EML6: variants seen among roughly 807,000 people sequenced by gnomAD.
The protein encoded by EML6 is echinoderm microtubule-associated protein-like 6.
In EML6, 154 loss-of-function variants were observed where a neutral mutation model predicts 240.1. The observed-to-expected ratio is 0.64, with a 90% CI of 0.56 to 0.73. EML6 has a LOEUF of 0.73. Ranked by LOEUF, EML6 falls within the 30% of genes least tolerant of loss-of-function variation. The pLI, the probability that EML6 is intolerant of heterozygous loss-of-function variation, is 0.00. For missense variants in EML6, 2,964 were observed against 2,474.6 expected (o/e 1.20, Z -4.20); for synonymous variants, 1,148 against 899.0 (o/e 1.28, Z -4.95).
intron 28 of EML6, among the ~76,000 whole-genome samples, chr2:54,942,836 A>C (rs1193463443): frequency 6.6e-6 from 1 of 152,142 alleles, no homozygotes; most frequent in African/African-American, 2.4e-5. Flanking sequence ...GATCTTCATC[A>C]AGACAAATAA....
Position 54,774,712 on chromosome 2 carries a change from G to A in EML6, c.198-38520G>A, listed in dbSNP as rs975034313. 1.2e-4 allele frequency among the ~76,000 whole-genome samples: 18 copies of A among 152,192 alleles called. No homozygotes were observed. Among genetic ancestry groups the A allele is most frequent in the African/African-American group, 4.1e-4 (17 of 41,456 alleles). On this transcript the variant is annotated intron_variant, in intron 2 of 41. Transcript: ENST00000356458. This position sits in a 1 kb window ranked among gnomAD's most constrained non-coding sequence, Gnocchi z 4.1. ...TTTTACAAGATGTTTTTCTCCCCGA[G>A]GATCTTGTGGGACTAAAAGAGTTGG...
At chr2:54,913,529 C>G (rs1175590345) in intron 25 of EML6, among the ~76,000 whole-genome samples, 1 of 152,024 alleles carries the variant, frequency 6.6e-6, no homozygotes, top group East Asian at 1.9e-4. Flanking sequence ...ACTTAAGTTC[C>G]TTTTAGATTC....
At chr2:54,878,497 T>G (rs1671641889) in intron 16 of EML6, among the ~76,000 whole-genome samples, 1 of 152,248 alleles carries the variant, frequency 6.6e-6, no homozygotes, top group Admixed American at 6.5e-5. Context: ...GCTTTTTGAC[T>G]ATACCTCTTC....
Position 54,894,960 on chromosome 2 carries a change from G to C in EML6, c.2788G>C (p.Asp930His). Reference sequence around the variant, plus strand: ...GGACGGCATCGTGGAGCTCTGGGATGATATGTTTGAAAGATGTTTGAAGAC... The same window carrying C: ...GGACGGCATCGTGGAGCTCTGGGATCATATGTTTGAAAGATGTTTGAAGAC... ...GKDGIVELWD[D>H]MFERCLKTYA... Residue 930 changes from aspartate to histidine, a missense_variant, in exon 20 of 42, where the codon GAT becomes CAT. Asp to His is a moderately conservative substitution (Grantham distance 81). Transcript: ENST00000356458. 6.4e-7 allele frequency: 1 copy of C among 1,551,428 alleles called. No homozygotes were observed.
intron 17 of EML6, among the ~76,000 whole-genome samples, chr2:54,890,519 C>A (rs1342390860): frequency 1.3e-5 from 2 of 152,112 alleles, no homozygotes; most frequent in East Asian, 3.9e-4. Flanking sequence ...TGCCTCGAAT[C>A]AATAGAAGAC....
At chr2:54,760,858 A>G (rs1032643864) in intron 2 of EML6, among the ~76,000 whole-genome samples, 4 of 148,242 alleles carry the variant, frequency 2.7e-5, no homozygotes, top group Non-Finnish European at 5.9e-5. Context: ...TAGAAAAAGA[A>G]TCTGGGACAG....
Position 54,905,228 on chromosome 2 carries a change from C to CT in EML6, c.3409+1736dup, listed in dbSNP as rs1246446217. 1.6e-3 allele frequency among the ~76,000 whole-genome samples: 229 copies of CT among 145,938 alleles called. 1 individual carries two copies. Among genetic ancestry groups the CT allele is most frequent in the Non-Finnish European group, 2.5e-3 (166 of 66,070 alleles). ...TCAGACCCTTCTTTGATATTCTCTG[C>CT]TTTTTTTTTTAAAGCAGTGATTTCT... On this transcript the variant is annotated intron_variant, in intron 24 of 41. Transcript: ENST00000356458.
chr2:54,896,875 G>A (rs138868466), intron 21 of EML6, among the ~76,000 whole-genome samples: 219 of 152,274 alleles, frequency 1.4e-3, no homozygotes, highest in African/African-American at 5.1e-3. Flanking sequence ...GAACAAGTCT[G>A]TGTTTTTAAA....
chr2:54,891,727 A>C (rs539315498), intron 18 of EML6, among the ~76,000 whole-genome samples: 1 of 152,312 alleles, frequency 6.6e-6, no homozygotes, highest in Non-Finnish European at 1.5e-5. Context: ...GCCCTAACTT[A>C]TTATGCACAA....
intron 33 of EML6, 144 bp downstream of exon 33, chr2:54,958,142 C>A (rs932050884): frequency 6.0e-6 from 4 of 668,842 alleles, no homozygotes; most frequent in Non-Finnish European, 1.0e-5. Flanking sequence ...GGCTTATCTG[C>A]AACCACTGTT....
intron 28 of EML6, among the ~76,000 whole-genome samples, chr2:54,938,218 C>A (rs950057723): frequency 3.9e-5 from 6 of 152,074 alleles, no homozygotes; most frequent in Admixed American, 6.6e-5. Flanking sequence ...TGGTGGCGGG[C>A]ACCTGTAATC....
chr2:54,802,662 A>ACTACTACTACTGCTACTG (rs1199239601), intron 2 of EML6, among the ~76,000 whole-genome samples: 170 of 145,660 alleles, frequency 1.2e-3, no homozygotes, highest in African/African-American at 4.4e-3. Flanking sequence ...TACTACTACT[A>ACTACTACTACTGCTACTG]CTACTGCTAC....
intron 17 of EML6, among the ~76,000 whole-genome samples, chr2:54,884,267 C>T (rs925885835): frequency 6.6e-6 from 1 of 152,038 alleles, no homozygotes; most frequent in Non-Finnish European, 1.5e-5. Context: ...GGGCAAGGCA[C>T]GTAGGAAGGG....
intron 25 of EML6, among the ~76,000 whole-genome samples, chr2:54,916,195 G>C (rs1040237928): frequency 6.6e-6 from 1 of 152,156 alleles, no homozygotes; most frequent in Non-Finnish European, 1.5e-5. Context: ...TTTTAAAGTT[G>C]TGTCTTGTAA....
intron 7 of EML6, among the ~76,000 whole-genome samples, chr2:54,842,196 A>G (rs1323423550): frequency 6.6e-6 from 1 of 152,160 alleles, no homozygotes; most frequent in Non-Finnish European, 1.5e-5. Context: ...GGATAGTTTC[A>G]CTGCCCTAAA....
At chr2:54,885,653 C>A (rs1256422880) in intron 17 of EML6, among the ~76,000 whole-genome samples, 1 of 152,026 alleles carries the variant, frequency 6.6e-6, no homozygotes, top group East Asian at 1.9e-4. Context: ...GCTCTTTCTC[C>A]CAGGCCAGAG....
chr2:54,732,494 C>A lies in EML6; in HGVS notation c.197+7236C>A, dbSNP rs548443888. 8.5e-5 allele frequency among the ~76,000 whole-genome samples: 13 copies of A among 152,240 alleles called. No homozygotes were observed. In the South Asian group the frequency reaches 2.7e-3, roughly 32 times the overall value. ...TATATGGTGTGAGGTAGGGGTCCAA[C>A]TTTATTCTCTTGCATGTGGATATCT... is the stretch of plus-strand genomic sequence containing the variant. On this transcript the variant is annotated intron_variant, in intron 2 of 41. Coordinates refer to ENST00000356458, the MANE Select transcript of EML6 (RefSeq NM_001039753.4).
At chr2:54,838,388 C>T (rs894460333) in intron 7 of EML6, among the ~76,000 whole-genome samples, 1 of 152,190 alleles carries the variant, frequency 6.6e-6, no homozygotes, top group Non-Finnish European at 1.5e-5. Context: ...AGTGTGAGTG[C>T]TAATAATCTC....
At chr2:54,891,179 T>C in intron 18 of EML6, 25 bp downstream of exon 18, 1 of 1,204,444 alleles carries the variant, frequency 8.3e-7, no homozygotes, top group Non-Finnish European at 1.2e-6. Flanking sequence ...GTTTATCATT[T>C]ATGTGATTGA....
Sources: gnomAD v4.1 joint callset for allele counts (sites outside exome capture counted in the v4.1 genomes callset) on GRCh38, gnomAD v4.1.1 for gene constraint, Gnocchi (gnomAD v3.1) non-coding constraint, MANE v1.5 for transcripts, NCBI Gene and HGNC (gene_info 2026-07-23, HGNC 2026-07-21) for gene names.